The following CNKSR3 variants were observed in gnomAD, a reference collection of about 807,000 sequenced individuals.
CNKSR3 encodes CNKSR family member 3, also known as connector enhancer of kinase suppressor of ras 3.
CNKSR3 carries 36 observed loss-of-function variants against 67.7 expected under a neutral mutation model. That is an observed-to-expected ratio of 0.53 (90% confidence interval 0.41 to 0.70). The LOEUF (loss-of-function observed/expected upper bound fraction) is 0.70, where lower values mean the gene tolerates loss of function less well. CNKSR3 is among the 30% of genes least tolerant of loss of function. CNKSR3 has a pLI of 0.00. For missense variants in CNKSR3, 630 were observed against 695.2 expected, an observed-to-expected ratio of 0.91 and a Z score of 1.05; for synonymous variants, 281 against 271.4, an observed-to-expected ratio of 1.04 and a Z score of -0.35.
chr6:154,505,040 T>G (rs1397116480), intron 1 of CNKSR3, among the ~76,000 whole-genome samples: 1 of 151,344 alleles, frequency 6.6e-6, no homozygotes, highest in African/African-American at 2.4e-5. Flanking sequence ...GGCCAAATGG[T>G]AGACCTACGG....
At chr6:154,445,843 GAGA>G (rs1164572171) in intron 2 of CNKSR3, among the ~76,000 whole-genome samples, 1 of 152,024 alleles carries the variant, frequency 6.6e-6, no homozygotes, top group South Asian at 2.1e-4. Context: ...AAGGAAGGAG[GAGA>G]AGAAGAAAGG....
At chr6:154,427,841 G>A (rs149157756) in intron 7 of CNKSR3, among the ~76,000 whole-genome samples, 312 of 152,280 alleles carry the variant, frequency 2.0e-3, no homozygotes, top group Non-Finnish European at 3.2e-3. Context: ...CATTGCTTTT[G>A]TATTTATGGC....
chr6:154,490,353 G>A (rs1786760103), intron 1 of CNKSR3, among the ~76,000 whole-genome samples: 1 of 151,848 alleles, frequency 6.6e-6, no homozygotes, highest in African/African-American at 2.4e-5. Flanking sequence ...ATCAAATAAT[G>A]AGCCCTAAAA....
At chr6:154,466,778 C>A (rs985563144) in intron 1 of CNKSR3, among the ~76,000 whole-genome samples, 6 of 142,768 alleles carry the variant, frequency 4.2e-5, no homozygotes, top group African/African-American at 1.4e-4. Flanking sequence ...CACCATCACG[C>A]CCAGCTAATT....
Position 154,401,982 on chromosome 6 carries a change from A to T in CNKSR3, c.*4372T>A, listed in dbSNP as rs1176619765. 6.6e-6 allele frequency: 1 copy of T among 152,246 alleles called. No homozygotes were observed. 9.4% of individuals were successfully genotyped at this position (152,246 alleles called of 1,614,324 possible). A position where few individuals can be genotyped will look rare whatever the true frequency, so the allele number is the denominator to read the frequency against. On this transcript the variant is annotated 3_prime_UTR_variant, in exon 13 of 13. Coordinates refer to ENST00000607772, the MANE Select transcript of CNKSR3 (RefSeq NM_173515.4). ...GGTCTTCCAGGGAAAAAATTAAAAA[A>T]AGAAAGCCCACAAAATAGATTCTGA...
In CNKSR3 at chr6:154,394,614, T is replaced by TAAAAAAAAAAAAA. The variant is rs67203207; in HGVS notation, c.*11727_*11739dup. On this transcript the variant is annotated 3_prime_UTR_variant, in exon 13 of 13. Transcript: ENST00000607772. ...TATAGCATGAGCCTAATACAAGAAG[T>TAAAAAAAAAAAAA]AAAAAAAAAAAAAAAAAAAAAGAAG... 3 of 67,764 alleles carry TAAAAAAAAAAAAA rather than the reference T, an allele frequency of 4.4e-5. No homozygotes were observed. Among genetic ancestry groups the TAAAAAAAAAAAAA allele is most frequent in the Non-Finnish European group, 6.7e-5 (2 of 30,060 alleles). 4.2% of individuals were successfully genotyped at this position (67,764 alleles called of 1,614,324 possible). A position where few individuals can be genotyped will look rare whatever the true frequency, so the allele number is the denominator to read the frequency against.
At chr6:154,498,313 T>C (rs1403352148) in intron 1 of CNKSR3, among the ~76,000 whole-genome samples, 2 of 151,830 alleles carry the variant, frequency 1.3e-5, no homozygotes, top group Non-Finnish European at 2.9e-5. Context: ...ACAGAGGAAA[T>C]TGCAAACTGG....
chr6:154,409,868 ACT>A (rs1784871842), intron 12 of CNKSR3, among the ~76,000 whole-genome samples: 2 of 131,446 alleles, frequency 1.5e-5, no homozygotes, highest in African/African-American at 5.9e-5. Context: ...ACATATTGAG[ACT>A]CTGTCTCTAC....
At chr6:154,426,971 TTG>T (rs1289483391) in intron 7 of CNKSR3, among the ~76,000 whole-genome samples, 4 of 152,202 alleles carry the variant, frequency 2.6e-5, no homozygotes, top group African/African-American at 9.7e-5. Context: ...GTGTTGCATC[TTG>T]TGTCTTTTCT....
chr6:154,406,690 C>A (rs867720485), intron 12 of CNKSR3, 38 bp from the exon 13 acceptor site: 13 of 1,569,344 alleles, frequency 8.3e-6, no homozygotes, highest in Admixed American at 1.8e-5. Flanking sequence ...ACAATCCCAG[C>A]CGGGCGTGGT....
rs1448568166 is a variant in CNKSR3 at position 154,441,414 on chromosome 6, A to G, written c.420-35T>C. 4 of 1,504,102 alleles carry G rather than the reference A, an allele frequency of 2.7e-6. No homozygotes were observed. In the East Asian group the frequency reaches 6.8e-5, roughly 25 times the overall value. The allele number at this position is 1,504,102 out of a possible 1,614,324, so 93.2% of individuals were successfully genotyped here. On this transcript the variant is annotated intron_variant, in intron 3 of 12. Transcript: ENST00000607772. ...AGCAACAATCCTCTTAAAAAGGGGT[A>G]GGGAGAATCCACGGGGATCCCACTG...
intron 2 of CNKSR3, among the ~76,000 whole-genome samples, chr6:154,449,410 C>T (rs1785776678): frequency 6.6e-6 from 1 of 152,188 alleles, no homozygotes; most frequent in African/African-American, 2.4e-5. Context: ...GCAGCCTCCA[C>T]CTCCCAGGCT....
At chr6:154,462,602 G>A (rs1044735474) in intron 1 of CNKSR3, among the ~76,000 whole-genome samples, 12 of 151,970 alleles carry the variant, frequency 7.9e-5, no homozygotes, top group Non-Finnish European at 1.3e-4. Context: ...CTCCATCTCC[G>A]GCCACATTCT....
At chr6:154,433,269 A>G (rs543823560) in intron 5 of CNKSR3, among the ~76,000 whole-genome samples, 197 bp downstream of exon 5, 66 of 152,344 alleles carry the variant, frequency 4.3e-4, no homozygotes, top group African/African-American at 1.6e-3. Flanking sequence ...TAATTTAAGC[A>G]CAGGAATTTT....
intron 1 of CNKSR3, among the ~76,000 whole-genome samples, chr6:154,505,642 C>CAT (rs1787085275): frequency 6.6e-6 from 1 of 151,004 alleles, no homozygotes; most frequent in Non-Finnish European, 1.5e-5. Context: ...GGACTACAGG[C>CAT]GCCCACCACC....
rs1183568217 is a variant in CNKSR3, at chr6:154,510,483, G to C, written c.-369C>G. ...CCGCGACCACTTCCTCGGATCTCTCGAGGCGCGATCGGCTCTCCCTCGGCC... is the reference window on the plus strand; with the variant it reads ...CCGCGACCACTTCCTCGGATCTCTCCAGGCGCGATCGGCTCTCCCTCGGCC... On this transcript the variant is annotated 5_prime_UTR_variant, in exon 1 of 13. Coordinates refer to ENST00000607772, the MANE Select transcript of CNKSR3 (RefSeq NM_173515.4). 7.0e-6 allele frequency: 2 copies of C among 287,490 alleles called. No individual in the cohort carries two copies. Among genetic ancestry groups the C allele is most frequent in the South Asian group, 4.6e-5 (1 of 21,780 alleles). 17.8% of individuals were successfully genotyped at this position (287,490 alleles called of 1,614,324 possible). A position where few individuals can be genotyped will look rare whatever the true frequency, so the allele number is the denominator to read the frequency against.
chr6:154,455,673 C>T (rs1179316092), intron 1 of CNKSR3, among the ~76,000 whole-genome samples: 4 of 152,076 alleles, frequency 2.6e-5, no homozygotes, highest in Admixed American at 6.6e-5. Flanking sequence ...CCACCTGCCT[C>T]GACCTCCCAA....
chr6:154,466,470 A>G (rs908796342), intron 1 of CNKSR3, among the ~76,000 whole-genome samples: 1 of 152,116 alleles, frequency 6.6e-6, no homozygotes, highest in Non-Finnish European at 1.5e-5. Context: ...CTGAGGGTTC[A>G]CACTCCCAGA....
chr6:154,444,540 C>G (rs1359464468), intron 2 of CNKSR3, among the ~76,000 whole-genome samples: 1 of 151,778 alleles, frequency 6.6e-6, no homozygotes, highest in Non-Finnish European at 1.5e-5. Context: ...GATCCTGGAT[C>G]CAGCACAAGC....
Sources: gnomAD v4.1 joint callset for allele counts (sites outside exome capture counted in the v4.1 genomes callset) on GRCh38, gnomAD v4.1.1 for gene constraint, MANE v1.5 for transcripts, NCBI Gene and HGNC (gene_info 2026-07-23, HGNC 2026-07-21) for gene names.